Variants in PDZD8 observed in about 807,000 individuals in gnomAD.
The protein encoded by PDZD8 is PDZ domain-containing protein 8.
Under a neutral mutation model 85.8 loss-of-function variants are expected in PDZD8, and 14 were observed. That is an observed-to-expected ratio of 0.16 (90% CI 0.11 to 0.26). The LOEUF is 0.26. Ranked by LOEUF, PDZD8 falls within the 10% of genes least tolerant of loss-of-function variation. The probability of loss-of-function intolerance (pLI) is 1.00; values close to 1 mark genes in which losing one functional copy is unlikely to be tolerated. For synonymous variants in PDZD8, 592 were observed against 568.6 expected, an observed-to-expected ratio of 1.04 and a Z score of -0.59; for missense variants, 1,197 against 1,424.3, an observed-to-expected ratio of 0.84 and a Z score of 2.57.
chr10:117,329,836 C>T (rs940378788), intron 2 of PDZD8, among the ~76,000 whole-genome samples: 3 of 151,014 alleles, frequency 2.0e-5, no homozygotes, highest in African/African-American at 7.3e-5. Context: ...GTCCTAGCTA[C>T]TCGGGAGGCT....
rs146327510 is a variant in PDZD8, at chr10:117,297,949, C to T, written c.1099-7601G>A. Among the ~76,000 whole-genome samples the T allele has an allele frequency of 7.0e-4, 106 of 152,218 alleles. No homozygotes were observed. The East Asian group carries it at 0.016, about 24-fold the overall frequency. On this transcript the variant is annotated intron_variant, in intron 3 of 4. Transcript: ENST00000334464. ...CTAAGATGCTTAAATATGCAGATCA[C>T]TAATTCAGATAACCTTTAGTTTTCC...
In PDZD8 at chr10:117,285,212, T is replaced by A. The variant is rs1268449179; in HGVS notation, c.1521A>T (p.Ala507=). The A allele has an allele frequency of 6.2e-7, 1 of 1,614,224 alleles. No homozygotes were observed. Among genetic ancestry groups the A allele is most frequent in the East Asian group, 2.2e-5 (1 of 44,886 alleles). The change falls in exon 5 of 5, where the codon GCA becomes GCT. Residue 507 remains alanine (A), a synonymous_variant. Transcript: ENST00000334464. ...GTGCCTCATCTTTGAACTCATTTTG[T>A]GCTCTGACATCACTTGCCAAGTCTT... The part of the protein sequence containing the change: ...EFEDLASDVR[A]QNEFKDEAQS...
chr10:117,365,360 TG>T (rs1233569997), intron 1 of PDZD8, among the ~76,000 whole-genome samples: 1 of 152,148 alleles, frequency 6.6e-6, no homozygotes, highest in Non-Finnish European at 1.5e-5. Flanking sequence ...ATGCTAACAA[TG>T]AAGTATTGAG....
intron 1 of PDZD8, among the ~76,000 whole-genome samples, chr10:117,372,163 T>C (rs569800121): frequency 6.6e-6 from 1 of 152,318 alleles, no homozygotes; most frequent in South Asian, 2.1e-4. Flanking sequence ...CCAGTATAAA[T>C]AGCACAGATG....
rs745580671 is a variant in PDZD8 at position 117,283,571 on chromosome 10, A to G, written c.3162T>C (p.Asn1054=). The part of the protein sequence containing the change: ...QNEIDQELEH[N]NSLVREEKET... The stretch of plus-strand genomic sequence containing the variant: ...CTTTTTCTTCTCTAACAAGGGAATT[A>G]TTGTGTTCCAACTCCTGATCAATTT... The change falls in exon 5 of 5, where the codon AAT becomes AAC. Residue 1054 remains asparagine (N), a synonymous_variant. Transcript: ENST00000334464. The G allele has an allele frequency of 1.2e-6, 2 of 1,614,136 alleles. No individual in the cohort carries two copies. Among genetic ancestry groups the G allele is most frequent in the Middle Eastern group, 1.6e-4 (1 of 6,062 alleles).
At chr10:117,319,392 AACAC>A (rs199983551) in intron 2 of PDZD8, among the ~76,000 whole-genome samples, 102 of 101,822 alleles carry the variant, frequency 1.0e-3, no homozygotes, top group African/African-American at 1.4e-3. Context: ...ATTGCTCATA[AACAC>A]ACACACACAC....
intron 3 of PDZD8, among the ~76,000 whole-genome samples, chr10:117,312,121 C>T (rs114353875): frequency 0.033 from 4,943 of 152,050 alleles, 85 homozygotes; most frequent in South Asian, 0.039. Flanking sequence ...AGAATGTATC[C>T]GAGGGCAAAC....
chr10:117,284,322 TG>T lies in PDZD8; in HGVS notation c.2410del (p.His804MetfsTer2). 6.2e-7 allele frequency: 1 copy of T among 1,614,152 alleles called. No individual in the cohort carries two copies. Among genetic ancestry groups the T allele is most frequent in the Non-Finnish European group, 8.5e-7 (1 of 1,179,996 alleles). On this transcript the variant is annotated frameshift_variant, in exon 5 of 5. Transcript: ENST00000334464. LOFTEE classifies it high-confidence loss of function. The stretch of plus-strand genomic sequence containing the variant: ...TTCTTTTTCTACGTTAGTAACTACA[TG>T]GTGGTCTGATTCTCCTTCTTTCAAA... Reference protein sequence around the residue: ...KYLKEGESDHHVVTNVEKEKE... With the variant: ...KYLKEGESDHXVVTNVEKEKE...
At chr10:117,330,723 A>G (rs544301204) in intron 2 of PDZD8, among the ~76,000 whole-genome samples, 1 of 152,320 alleles carries the variant, frequency 6.6e-6, no homozygotes, top group African/African-American at 2.4e-5. Context: ...ATCTCTATAT[A>G]TACAATTTAC....
chr10:117,366,578 ACTG>A (rs1845094919), intron 1 of PDZD8, among the ~76,000 whole-genome samples: 3 of 147,856 alleles, frequency 2.0e-5, no homozygotes, highest in East Asian at 2.1e-4. Flanking sequence ...CACCACCACC[ACTG>A]TCACCACCAT....
At chr10:117,298,058 G>A (rs932249102) in intron 3 of PDZD8, among the ~76,000 whole-genome samples, 2 of 151,964 alleles carry the variant, frequency 1.3e-5, no homozygotes, top group Admixed American at 1.3e-4. Context: ...ATATTTATAT[G>A]GTTTTTTAAA....
Position 117,279,893 on chromosome 10 carries a change from T to C in PDZD8, c.*3375A>G, listed in dbSNP as rs1844554476. On this transcript the variant is annotated 3_prime_UTR_variant, in exon 5 of 5. Transcript: ENST00000334464. ...GCCCAAAAGGAATTAGGGGAACCTC[T>C]CCTTCTTTTGGTAAGAAAAGCAATT... is the stretch of plus-strand genomic sequence containing the variant. 6.6e-6 allele frequency: 1 copy of C among 152,240 alleles called. No homozygotes were observed. Among genetic ancestry groups the C allele is most frequent in the Non-Finnish European group, 1.5e-5 (1 of 68,032 alleles). 9.4% of individuals were successfully genotyped at this position (152,240 alleles called of 1,614,324 possible).
At chr10:117,326,172 CA>C (rs2133821691) in intron 2 of PDZD8, among the ~76,000 whole-genome samples, 1 of 152,286 alleles carries the variant, frequency 6.6e-6, no homozygotes, top group African/African-American at 2.4e-5. Flanking sequence ...TTCTTTATAG[CA>C]GCATGAGAAC....
chr10:117,285,608 T>A, intron 4 of PDZD8, 137 bp from the exon 5 acceptor site: 1 of 1,155,282 alleles, frequency 8.7e-7, no homozygotes, highest in Non-Finnish European at 1.1e-6. Context: ...AATAGGAAAA[T>A]CTCAACAATA....
Position 117,350,891 on chromosome 10 carries a change from G to GAA in PDZD8, c.873-9791_873-9790dup, listed in dbSNP as rs11315947. Among the ~76,000 whole-genome samples, 87 of 127,684 alleles carry GAA rather than the reference G, an allele frequency of 6.8e-4. No individual in the cohort carries two copies. The Middle Eastern group carries it at 0.012, about 18-fold the overall frequency. The allele number at this position is 127,684 out of a possible 152,430, so 83.8% of individuals were successfully genotyped here. The stretch of plus-strand genomic sequence containing the variant: ...TGCACTCCAGCCTGGGTGACAAAGT[G>GAA]AAAAAAAAAAAAAAAGAAATATATA... On this transcript the variant is annotated intron_variant, in intron 1 of 4. Transcript: ENST00000334464.
intron 1 of PDZD8, among the ~76,000 whole-genome samples, chr10:117,351,204 A>G (rs1048650895): frequency 6.6e-6 from 1 of 152,166 alleles, no homozygotes; most frequent in Admixed American, 6.5e-5. Flanking sequence ...AATGTGCACA[A>G]ATGTTCACCA....
chr10:117,336,572 C>T (rs892378703), intron 2 of PDZD8, among the ~76,000 whole-genome samples: 1 of 150,916 alleles, frequency 6.6e-6, no homozygotes, highest in Non-Finnish European at 1.5e-5. Context: ...GTTCTGGGAC[C>T]GTGGCAGAGA....
At chr10:117,328,621 T>C (rs1189697551) in intron 2 of PDZD8, among the ~76,000 whole-genome samples, 1 of 152,142 alleles carries the variant, frequency 6.6e-6, no homozygotes, top group Non-Finnish European at 1.5e-5. Flanking sequence ...TCTCACTATG[T>C]TGCCTCAAAC....
intron 3 of PDZD8, among the ~76,000 whole-genome samples, chr10:117,305,515 C>CACACACACAT (rs1324004968): frequency 1.8e-4 from 24 of 136,034 alleles, no homozygotes; most frequent in African/African-American, 5.8e-4. Context: ...CACACACACA[C>CACACACACAT]ATATATGGAG....
Sources: gnomAD v4.1 joint callset for allele counts (sites outside exome capture counted in the v4.1 genomes callset) on GRCh38, gnomAD v4.1.1 for gene constraint, MANE v1.5 for transcripts, NCBI Gene and HGNC (gene_info 2026-07-23, HGNC 2026-07-21) for gene names.